The following LUZP1 variants were observed in gnomAD, a reference collection of about 807,000 sequenced individuals.
The protein encoded by LUZP1 is leucine zipper protein 1.
A neutral mutation model predicts 71.3 loss-of-function variants in LUZP1; 25 were observed. The ratio of observed to expected loss-of-function variants is 0.35; its 90% confidence interval spans 0.26 to 0.49. The LOEUF (loss-of-function observed/expected upper bound fraction) is 0.49, where lower values mean the gene tolerates loss of function less well. LUZP1 is among the 20% of genes least tolerant of loss of function. The pLI is 0.99. For missense variants in LUZP1, 1,142 were observed against 1,300.8 expected (o/e 0.88, Z 1.88); for synonymous variants, 481 against 506.4 (o/e 0.95, Z 0.67).
intron 2 of LUZP1, among the ~76,000 whole-genome samples, chr1:23,113,027 A>G (rs1053684536): frequency 1.1e-4 from 16 of 152,374 alleles, no homozygotes; most frequent in Admixed American, 3.9e-4. Context: ...AATTAAAAAC[A>G]TCAACAGAAA....
intron 2 of LUZP1, among the ~76,000 whole-genome samples, chr1:23,154,375 A>T (rs1644405695): frequency 6.6e-6 from 1 of 152,112 alleles, no homozygotes; most frequent in African/African-American, 2.4e-5. Flanking sequence ...TCTACAAAAA[A>T]AAAATTTTTT....
chr1:23,176,666 C>T (rs1174409672), intron 1 of LUZP1, among the ~76,000 whole-genome samples: 1 of 152,122 alleles, frequency 6.6e-6, no homozygotes, highest in Non-Finnish European at 1.5e-5. Context: ...CCATAAACAG[C>T]TCAAATCCCC....
intron 3 of LUZP1, 64 bp downstream of exon 2, chr1:23,108,958 T>C (rs1304277829): frequency 1.3e-5 from 2 of 152,206 alleles, no homozygotes; most frequent in Non-Finnish European, 2.9e-5. Flanking sequence ...GGCAAAATTA[T>C]AGTGGCTTCA....
intron 2 of LUZP1, among the ~76,000 whole-genome samples, chr1:23,117,978 T>C (rs1212502903): frequency 6.6e-6 from 1 of 152,048 alleles, no homozygotes; most frequent in Non-Finnish European, 1.5e-5. Context: ...TAGTCCCAGC[T>C]AATCAGGAGG....
At chr1:23,096,129 TG>T (rs1175153696) in intron 3 of LUZP1, among the ~76,000 whole-genome samples, 230 of 44,608 alleles carry the variant, frequency 5.2e-3, no homozygotes, top group Middle Eastern at 0.024. Context: ...AAAGAAGGAA[TG>T]AAAAAAAAAA....
At chr1:23,128,647 C>T (rs1422760162) in intron 2 of LUZP1, among the ~76,000 whole-genome samples, 1 of 152,194 alleles carries the variant, frequency 6.6e-6, no homozygotes, top group African/African-American at 2.4e-5. Context: ...CCATTACTAA[C>T]CTTTTTATAT....
At chr1:23,137,985 T>A (rs1218707236) in intron 2 of LUZP1, among the ~76,000 whole-genome samples, 2 of 152,240 alleles carry the variant, frequency 1.3e-5, no homozygotes, top group Non-Finnish European at 2.9e-5. Flanking sequence ...TATTAATTTA[T>A]CTTGAGATGG....
At chr1:23,127,606 C>T (rs1163487371) in intron 2 of LUZP1, among the ~76,000 whole-genome samples, 1 of 152,296 alleles carries the variant, frequency 6.6e-6, no homozygotes, top group East Asian at 1.9e-4. Flanking sequence ...TCACTGCAAG[C>T]TCCGACTCCC....
chr1:23,176,173 T>C (rs950541023), intron 1 of LUZP1, among the ~76,000 whole-genome samples: 5 of 151,766 alleles, frequency 3.3e-5, no homozygotes, highest in African/African-American at 9.7e-5. Flanking sequence ...GTGATTTTCC[T>C]GCCTCAGCCT....
intron 2 of LUZP1, among the ~76,000 whole-genome samples, chr1:23,143,162 C>T (rs1425167222): frequency 1.3e-5 from 2 of 152,042 alleles, no homozygotes; most frequent in Non-Finnish European, 2.9e-5. Context: ...GTACCTGCCA[C>T]CAAGCCCAGC....
rs1324335712 is a variant in LUZP1 at position 23,142,694 on chromosome 1, TATATATACACACACACACAC to T, written c.-226+26052_-226+26071del. Among the ~76,000 whole-genome samples, 34 of 85,742 alleles carry T rather than the reference TATATATACACACACACACAC, an allele frequency of 4.0e-4. 2 individuals are homozygous for T. The highest frequency in any genetic ancestry group is 2.0e-3 in the African/African-American group (33 of 16,688). 56.3% of individuals were successfully genotyped at this position (85,742 alleles called of 152,430 possible). On this transcript the variant is annotated intron_variant, in intron 2 of 4. Transcript: ENST00000302291. The stretch of plus-strand genomic sequence containing the variant: ...AAATGGTGGGTGCATAAAATATATA[TATATATACACACACACACAC>T]ACACACACACACACACACACACACA...
intron 2 of LUZP1, among the ~76,000 whole-genome samples, chr1:23,145,320 G>A (rs921934656): frequency 6.6e-6 from 1 of 152,104 alleles, no homozygotes; most frequent in South Asian, 2.1e-4. Flanking sequence ...GCTATTTGAA[G>A]GAAATGTTAA....
At position 23,159,209 on chromosome 1, in the gene LUZP1, C is replaced by T. The variant is rs141960624; in HGVS notation, c.-226+9557G>A. Among the ~76,000 whole-genome samples the T allele has an allele frequency of 1.9e-3, 284 of 151,798 alleles. 5 individuals carry two copies. Among genetic ancestry groups the T allele is most frequent in the African/African-American group, 6.4e-3 (263 of 41,378 alleles). On this transcript the variant is annotated intron_variant, in intron 2 of 4. Transcript: ENST00000302291. ...CAAAAAAATTAGCCAGGCGTGGTGG[C>T]GGGCACCTGTAGTCCCAGCTACTCG...
chr1:23,145,990 A>T (rs1644339913), intron 2 of LUZP1, among the ~76,000 whole-genome samples: 1 of 152,218 alleles, frequency 6.6e-6, no homozygotes, highest in Non-Finnish European at 1.5e-5. Flanking sequence ...CTAGTAAAAC[A>T]TTCAACAAAT....
chr1:23,148,439 T>C (rs973078882), intron 2 of LUZP1, among the ~76,000 whole-genome samples: 1 of 152,154 alleles, frequency 6.6e-6, no homozygotes, highest in Non-Finnish European at 1.5e-5. Context: ...TCTCGAAAAT[T>C]TGCTTTACTA....
chr1:23,147,441 CAAAAAAA>C (rs536334327), intron 2 of LUZP1, among the ~76,000 whole-genome samples: 1 of 124,478 alleles, frequency 8.0e-6, no homozygotes, highest in Non-Finnish European at 1.7e-5. Context: ...GACTCTATCT[CAAAAAAA>C]AAAAAAAGAA....
Position 23,173,843 on chromosome 1 carries a change from G to A in LUZP1, c.-485+3648C>T, listed in dbSNP as rs72657862. 5.5e-4 allele frequency among the ~76,000 whole-genome samples: 84 copies of A among 152,224 alleles called. 1 individual carries two copies. The highest frequency in any genetic ancestry group is 1.2e-3 in the Admixed American group (19 of 15,288). ...TTCGTGGGGTTCCAAGAAAGCCCAT[G>A]CCGAGATGATTTTCACTTTCTCCCC... On this transcript the variant is annotated intron_variant, in intron 1 of 4. Coordinates refer to ENST00000302291, the Ensembl canonical transcript of LUZP1.
chr1:23,096,912 G>A (rs984998466), intron 3 of LUZP1, among the ~76,000 whole-genome samples: 1 of 152,218 alleles, frequency 6.6e-6, no homozygotes, highest in East Asian at 1.9e-4. Context: ...GACGGAGGCT[G>A]CAGTGAGCTG....
intron 3 of LUZP1, among the ~76,000 whole-genome samples, chr1:23,095,833 T>C (rs1643889249): frequency 6.6e-6 from 1 of 152,148 alleles, no homozygotes; most frequent in Non-Finnish European, 1.5e-5. Context: ...AACCTATCTG[T>C]CCTGAGAAAC....
Sources: allele counts gnomAD v4.1 joint callset (sites outside exome capture counted in the v4.1 genomes callset), GRCh38; gene constraint gnomAD v4.1.1; transcripts MANE v1.5; gene names NCBI Gene and HGNC (gene_info 2026-07-23, HGNC 2026-07-21).